UTRN: variants seen among roughly 807,000 people sequenced by gnomAD.
The protein encoded by UTRN is dystrophin-related protein 1.
In UTRN, 283 loss-of-function variants were observed where a neutral mutation model predicts 463.9. The observed-to-expected ratio is 0.61, with a 90% confidence interval of 0.55 to 0.67. The LOEUF (loss-of-function observed/expected upper bound fraction) is 0.67, where lower values mean the gene tolerates loss of function less well. Among genes scored for constraint, UTRN ranks in the 30% least tolerant of loss-of-function variants. The pLI is 0.00. For missense variants in UTRN, 3,922 were observed against 4,084.3 expected (o/e 0.96, Z 1.08); for synonymous variants, 1,442 against 1,431.5 (o/e 1.01, Z -0.17).
intron 7 of UTRN, among the ~76,000 whole-genome samples, chr6:144,427,341 C>A (rs1785386317): frequency 6.6e-6 from 1 of 152,124 alleles, no homozygotes; most frequent in Admixed American, 6.6e-5. Flanking sequence ...TCAAATTTCA[C>A]TTCCTCTATG....
intron 3 of UTRN, among the ~76,000 whole-genome samples, chr6:144,408,748 C>T (rs1783632763): frequency 6.6e-6 from 1 of 152,092 alleles, no homozygotes; most frequent in African/African-American, 2.4e-5. Context: ...GATTGTTTTC[C>T]TACTTTTTTC....
chr6:144,538,524 G>T (rs980373659), intron 44 of UTRN, among the ~76,000 whole-genome samples: 4 of 151,242 alleles, frequency 2.6e-5, no homozygotes, highest in African/African-American at 9.7e-5. Flanking sequence ...AAAAAAATTA[G>T]CTGGCCGTGG....
chr6:144,821,676 T>C (rs1176366757), intron 66 of UTRN, among the ~76,000 whole-genome samples: 1 of 152,072 alleles, frequency 6.6e-6, no homozygotes, highest in Non-Finnish European at 1.5e-5. Context: ...TAAGAATTTA[T>C]GGCCTGAAGT....
chr6:144,403,017 A>G, intron 2 of UTRN, 106 bp from the exon 3 acceptor site: 1 of 983,000 alleles, frequency 1.0e-6, no homozygotes, highest in South Asian at 1.4e-5. Context: ...AGCTCGACTA[A>G]TAGGACTATT....
At position 144,482,308 on chromosome 6, in the gene UTRN, T is replaced by G; in HGVS notation, c.3607T>G (p.Leu1203Val). The G allele has an allele frequency of 6.2e-7, 1 of 1,608,978 alleles. No individual in the cohort carries two copies. Among genetic ancestry groups the G allele is most frequent in the Non-Finnish European group, 8.5e-7 (1 of 1,178,842 alleles). Residue 1203 changes from leucine to valine, a missense_variant, in exon 27 of 75, where the codon TTG (leucine) becomes GTG (valine). Leu to Val is a conservative substitution (Grantham distance 32, BLOSUM62 1). Transcript: ENST00000367545. ...CAAGGTGCCCTCTGGTGGCCAGGAG[T>G]TGACGTCTGAGCTGAATGTTGTGCT... The part of the protein sequence containing the change: ...AAKVPSGGQE[L>V]TSELNVVLEN...
chr6:144,323,403 GCCCT>G (rs1775787437), intron 2 of UTRN, among the ~76,000 whole-genome samples: 1 of 152,098 alleles, frequency 6.6e-6, no homozygotes, highest in African/African-American at 2.4e-5. Context: ...AGCCAGAAGA[GCCCT>G]CCCTCCCTCC....
Position 144,314,741 on chromosome 6 carries a change from G to A in UTRN, c.79+22834G>A, listed in dbSNP as rs542980707. Among the ~76,000 whole-genome samples the A allele has an allele frequency of 3.9e-5, 6 of 152,196 alleles. No homozygotes were observed. In the East Asian group the frequency reaches 9.7e-4, roughly 25 times the overall value. ...CAAACAGGGTTATAAATAGCCTCAGGTCAGTTCAGGTCACGTTTTGCTGCC... is the reference window on the plus strand; with the variant it reads ...CAAACAGGGTTATAAATAGCCTCAGATCAGTTCAGGTCACGTTTTGCTGCC... On this transcript the variant is annotated intron_variant, in intron 2 of 74. Transcript: ENST00000367545.
At chr6:144,751,754 A>C (rs1026893232) in intron 55 of UTRN, 52 bp from the exon 56 acceptor site, 1 of 1,513,564 alleles carries the variant, frequency 6.6e-7, no homozygotes, top group African/African-American at 1.4e-5. Context: ...CAACTGTATT[A>C]GCTTTTGTTA....
At chr6:144,831,494 AT>A (rs1438314220) in intron 69 of UTRN, among the ~76,000 whole-genome samples, 6 of 152,142 alleles carry the variant, frequency 3.9e-5, no homozygotes, top group African/African-American at 1.2e-4. Context: ...GAACCCTAGG[AT>A]GGGCATTATT....
intron 22 of UTRN, 141 bp from the exon 23 acceptor site, chr6:144,462,513 C>T (rs1241627373): frequency 5.5e-6 from 4 of 731,872 alleles, no homozygotes; most frequent in African/African-American, 1.8e-5. Context: ...AACTAATTCA[C>T]ACTCCCACCC....
chr6:144,808,781 C>T (rs1778365459), intron 65 of UTRN, among the ~76,000 whole-genome samples: 1 of 151,718 alleles, frequency 6.6e-6, no homozygotes, highest in Non-Finnish European at 1.5e-5. Flanking sequence ...ATTTGTCTTT[C>T]TGTATCTGGG....
At chr6:144,545,255 G>A (rs538805329) in intron 46 of UTRN, among the ~76,000 whole-genome samples, 3 of 152,252 alleles carry the variant, frequency 2.0e-5, no homozygotes, top group East Asian at 3.9e-4. Context: ...TCTTGCCTCA[G>A]TACTTCTCCA....
intron 2 of UTRN, among the ~76,000 whole-genome samples, chr6:144,297,612 G>A (rs73780506): frequency 0.031 from 4,654 of 152,250 alleles, 215 homozygotes; most frequent in African/African-American, 0.1. Context: ...GCTTTGAAGG[G>A]AGGTCTTTGA....
intron 32 of UTRN, among the ~76,000 whole-genome samples, chr6:144,492,646 GGTGTT>G (rs1793178795): frequency 6.6e-6 from 1 of 152,140 alleles, no homozygotes; most frequent in Non-Finnish European, 1.5e-5. Flanking sequence ...AACAGTGTAT[GGTGTT>G]CCCTTTTCTC....
intron 53 of UTRN, among the ~76,000 whole-genome samples, chr6:144,712,763 A>T (rs752480782): frequency 8.5e-5 from 13 of 152,202 alleles, no homozygotes; most frequent in Non-Finnish European, 1.8e-4. Flanking sequence ...GACATGAATC[A>T]CGATTATTTG....
At chr6:144,311,049 A>G (rs1371961912) in intron 2 of UTRN, among the ~76,000 whole-genome samples, 1 of 152,188 alleles carries the variant, frequency 6.6e-6, no homozygotes, top group African/African-American at 2.4e-5. Context: ...TTGTGTGATT[A>G]TATTACATTT....
intron 62 of UTRN, among the ~76,000 whole-genome samples, chr6:144,790,793 A>AT (rs1776694701): frequency 6.6e-6 from 1 of 152,200 alleles, no homozygotes; most frequent in African/African-American, 2.4e-5. Context: ...TTAGAAATGG[A>AT]TTTTTTATCA....
At chr6:144,815,416 G>T (rs752369322) in intron 65 of UTRN, among the ~76,000 whole-genome samples, 1 of 151,874 alleles carries the variant, frequency 6.6e-6, no homozygotes, top group Non-Finnish European at 1.5e-5. Flanking sequence ...TGACTCACAT[G>T]ATCACAAGGT....
intron 9 of UTRN, among the ~76,000 whole-genome samples, chr6:144,433,658 C>G (rs1786184569): frequency 6.6e-6 from 1 of 151,902 alleles, no homozygotes; most frequent in Non-Finnish European, 1.5e-5. Context: ...TCCTCACCTC[C>G]CAGACGGGGT....
Sources: allele counts gnomAD v4.1 joint callset (sites outside exome capture counted in the v4.1 genomes callset), GRCh38; gene constraint gnomAD v4.1.1; transcripts MANE v1.5; gene names NCBI Gene and HGNC (gene_info 2026-07-23, HGNC 2026-07-21).